The following MICOS10 variants were observed in gnomAD, a reference collection of about 807,000 sequenced individuals.
The protein encoded by MICOS10 is MICOS complex subunit MIC10.
Under a neutral mutation model 13.4 loss-of-function variants are expected in MICOS10, and 5 were observed. The observed-to-expected ratio is 0.37, with a 90% CI of 0.20 to 0.78. MICOS10 has a LOEUF of 0.78. Among genes scored for constraint, MICOS10 ranks in the 30% least tolerant of loss-of-function variants. MICOS10 has a pLI of 0.47. For missense variants in MICOS10, 101 were observed against 94.6 expected (o/e 1.07, Z -0.28); for synonymous variants, 35 against 33.6 (o/e 1.04, Z -0.15).
chr1:19,628,582 T>C lies in MICOS10; in HGVS notation c.*2181T>C, dbSNP rs2094929135. The C allele has an allele frequency of 6.7e-6, 1 of 148,214 alleles. No homozygotes were observed. Among genetic ancestry groups the C allele is most frequent in the Non-Finnish European group, 1.5e-5 (1 of 67,726 alleles). 9.2% of individuals were successfully genotyped at this position (148,214 alleles called of 1,614,324 possible). A position where few individuals can be genotyped will look rare whatever the true frequency, so the allele number is the denominator to read the frequency against. On this transcript the variant is annotated 3_prime_UTR_variant, in exon 4 of 4. Coordinates refer to ENST00000322753, the MANE Select transcript of MICOS10 (RefSeq NM_001032363.4). ...CTGTAGTCCCAGCTACTCAGGAGGT[T>C]GAGGCAGGAGAATCATTTGAACCCG...
rs1180073258 is a variant in MICOS10 at position 19,627,633 on chromosome 1, A to G, written c.*1232A>G. The G allele has an allele frequency of 6.6e-6, 1 of 152,274 alleles. No individual in the cohort carries two copies. Among genetic ancestry groups the G allele is most frequent in the African/African-American group, 2.4e-5 (1 of 41,454 alleles). The allele number at this position is 152,274 out of a possible 1,614,324, so 9.4% of individuals were successfully genotyped here. Reference sequence around the variant, plus strand: ...GGACCCGAAGTTGACTGGGAATCCCAGACAGAAGGAGGGTAGCCTCTGTGT... The same window carrying G: ...GGACCCGAAGTTGACTGGGAATCCCGGACAGAAGGAGGGTAGCCTCTGTGT... On this transcript the variant is annotated 3_prime_UTR_variant, in exon 4 of 4. Transcript: ENST00000322753.
intron 1 of MICOS10, chr1:19,608,284 T>A: frequency 7.4e-7 from 1 of 1,348,308 alleles, no homozygotes; most frequent in African/African-American, 1.4e-5. Flanking sequence ...GCCGTGTGAC[T>A]GGTGGGATGA....
At chr1:19,617,852 T>G (rs2094889754) in intron 1 of MICOS10, among the ~76,000 whole-genome samples, 1 of 152,068 alleles carries the variant, frequency 6.6e-6, no homozygotes, top group Non-Finnish European at 1.5e-5. Flanking sequence ...TGATTACATT[T>G]TAAAGCAAAA....
chr1:19,597,243 G>A, intron 1 of MICOS10, 134 bp downstream of exon 1: 1 of 955,320 alleles, frequency 1.0e-6, no homozygotes, highest in Non-Finnish European at 1.5e-6. Context: ...TCCGGCCAGG[G>A]CGAGCCGCCC....
chr1:19,604,707 A>G (rs991503854), intron 1 of MICOS10, among the ~76,000 whole-genome samples: 5 of 152,152 alleles, frequency 3.3e-5, no homozygotes, highest in Admixed American at 2.6e-4. Flanking sequence ...TCTTGAAACA[A>G]TTTAGTACCA....
At chr1:19,608,542 G>C (rs755292463) in intron 1 of MICOS10, 1 of 971,244 alleles carries the variant, frequency 1.0e-6, no homozygotes, top group Non-Finnish European at 1.7e-6. Flanking sequence ...CTCTCAGGAA[G>C]GGGGTCACCG....
rs151105865 is a variant in MICOS10 at position 19,627,477 on chromosome 1, G to T, written c.*1076G>T. ...CTTAGAGTCTGATGGAAAGACAGAC[G>T]TGCAAACACAACTCTGAAAGAAGTG... is the stretch of plus-strand genomic sequence containing the variant. On this transcript the variant is annotated 3_prime_UTR_variant, in exon 4 of 4. Transcript: ENST00000322753. 3.3e-5 allele frequency: 5 copies of T among 152,196 alleles called. No individual in the cohort carries two copies. Among genetic ancestry groups the T allele is most frequent in the Non-Finnish European group, 5.9e-5 (4 of 68,048 alleles). 9.4% of individuals were successfully genotyped at this position (152,196 alleles called of 1,614,324 possible). A position where few individuals can be genotyped will look rare whatever the true frequency, so the allele number is the denominator to read the frequency against.
intron 3 of MICOS10, chr1:19,625,292 T>A (rs1316491404): frequency 3.4e-6 from 4 of 1,167,328 alleles, no homozygotes; most frequent in Non-Finnish European, 4.4e-6. Context: ...GAAAATGTGG[T>A]ACAAATGCAT....
In MICOS10 at chr1:19,627,477, G is replaced by A. The variant is rs151105865; in HGVS notation, c.*1076G>A. On this transcript the variant is annotated 3_prime_UTR_variant, in exon 4 of 4. Transcript: ENST00000322753. Reference sequence around the variant, plus strand: ...CTTAGAGTCTGATGGAAAGACAGACGTGCAAACACAACTCTGAAAGAAGTG... The same window carrying A: ...CTTAGAGTCTGATGGAAAGACAGACATGCAAACACAACTCTGAAAGAAGTG... 1.3e-5 allele frequency: 2 copies of A among 152,314 alleles called. No homozygotes were observed. Among genetic ancestry groups the A allele is most frequent in the Non-Finnish European group, 2.9e-5 (2 of 68,040 alleles). The allele number at this position is 152,314 out of a possible 1,614,324, so 9.4% of individuals were successfully genotyped here.
intron 1 of MICOS10, chr1:19,608,541 AG>A: frequency 1.0e-6 from 1 of 977,096 alleles, no homozygotes; most frequent in Non-Finnish European, 1.7e-6. Context: ...ACTCTCAGGA[AG>A]GGGGTCACCG....
In MICOS10 at chr1:19,623,524, T is replaced by C; in HGVS notation, c.163T>C (p.Tyr55His). ...FGSGMGLGMA[Y>H]SNCQHDFQAP... ...TTCTGGCATGGGATTAGGAATGGCT[T>C]ATTCCAACTGTCAGCATGATTTCCA... is the stretch of plus-strand genomic sequence containing the variant. The change falls in exon 3 of 4, where the codon TAT (tyrosine) becomes CAT (histidine). Residue 55 changes from tyrosine (Y) to histidine (H), a missense_variant. Physicochemically the swap from Tyr to His is moderately conservative, Grantham distance 83. Coordinates refer to ENST00000322753, the MANE Select transcript of MICOS10 (RefSeq NM_001032363.4). 6.2e-7 allele frequency: 1 copy of C among 1,613,512 alleles called. No homozygotes were observed. The highest frequency in any genetic ancestry group is 8.5e-7 in the Non-Finnish European group (1 of 1,179,824).
At chr1:19,604,897 A>AG (rs1424714951) in intron 1 of MICOS10, among the ~76,000 whole-genome samples, 2 of 152,170 alleles carry the variant, frequency 1.3e-5, no homozygotes, top group Non-Finnish European at 2.9e-5. Context: ...CACTCCTTGA[A>AG]GGTGTCCCAA....
chr1:19,622,920 C>CTT (rs373297142), intron 2 of MICOS10, among the ~76,000 whole-genome samples: 7 of 131,900 alleles, frequency 5.3e-5, no homozygotes, highest in Admixed American at 7.7e-5. Flanking sequence ...TATTTTACTA[C>CTT]TTTTTTTTTT....
chr1:19,597,284 G>C lies in MICOS10; in HGVS notation c.64+175G>C, dbSNP rs1419918217. ...CCGGCGGGAGGTCACTCGGGCGGCG[G>C]GCACAGACCCGAGGAGCCGGAGCAG... On this transcript the variant is annotated intron_variant, in intron 1 of 3. Transcript: ENST00000322753. Among the ~76,000 whole-genome samples, 5 of 152,238 alleles carry C rather than the reference G, an allele frequency of 3.3e-5. No homozygotes were observed. In the East Asian group the frequency reaches 9.6e-4, roughly 29 times the overall value.
chr1:19,607,250 T>A (rs1221893647), intron 1 of MICOS10, among the ~76,000 whole-genome samples: 1 of 152,256 alleles, frequency 6.6e-6, no homozygotes, highest in East Asian at 1.9e-4. Context: ...TAATGGAACA[T>A]TGTGACCTTC....
chr1:19,601,859 T>TG (rs1045029989), intron 1 of MICOS10, among the ~76,000 whole-genome samples: 2 of 152,164 alleles, frequency 1.3e-5, no homozygotes, highest in African/African-American at 4.8e-5. Flanking sequence ...TAGCCCTTGT[T>TG]GCTTTCTTTT....
rs2094929144 is a variant in MICOS10 at position 19,628,588 on chromosome 1, A to G, written c.*2187A>G. ...TCCCAGCTACTCAGGAGGTTGAGGC[A>G]GGAGAATCATTTGAACCCGGGAGGC... On this transcript the variant is annotated 3_prime_UTR_variant, in exon 4 of 4. Transcript: ENST00000322753. The G allele has an allele frequency of 6.7e-6, 1 of 149,074 alleles. No individual in the cohort carries two copies. Among genetic ancestry groups the G allele is most frequent in the Non-Finnish European group, 1.5e-5 (1 of 67,640 alleles). 9.2% of individuals were successfully genotyped at this position (149,074 alleles called of 1,614,324 possible).
At chr1:19,602,194 G>A (rs76688957) in intron 1 of MICOS10, among the ~76,000 whole-genome samples, 7,811 of 152,228 alleles carry the variant, frequency 0.051, 292 homozygotes, top group Non-Finnish European at 0.072. Flanking sequence ...TAGAGGAGGC[G>A]TACAATAATT....
chr1:19,608,370 A>G (rs1484225491), intron 1 of MICOS10: 2 of 1,261,662 alleles, frequency 1.6e-6, no homozygotes, highest in South Asian at 1.2e-5. Flanking sequence ...CAGAGGTGCA[A>G]GGAGCTGGGT....
Sources: gnomAD v4.1 joint callset for allele counts (sites outside exome capture counted in the v4.1 genomes callset) on GRCh38, gnomAD v4.1.1 for gene constraint, MANE v1.5 for transcripts, NCBI Gene and HGNC (gene_info 2026-07-23, HGNC 2026-07-21) for gene names.